GRIN2B: variants seen among roughly 807,000 people sequenced by gnomAD.
The protein encoded by GRIN2B is glutamate ionotropic receptor NMDA type subunit 2B, also known as glutamate receptor ionotropic, NMDA 2B.
Under a neutral mutation model 114.5 loss-of-function variants are expected in GRIN2B, and 5 were observed. That is an observed-to-expected ratio of 0.04 (90% CI 0.02 to 0.09). The LOEUF (loss-of-function observed/expected upper bound fraction) is 0.09, where lower values mean the gene tolerates loss of function less well. Ranked by LOEUF, GRIN2B falls within the 10% of genes least tolerant of loss-of-function variation. GRIN2B has a pLI of 1.00. For missense variants in GRIN2B, 1,108 were observed against 1,943.5 expected (o/e 0.57, Z 8.08); for synonymous variants, 787 against 745.1 (o/e 1.06, Z -0.92).
chr12:13,829,434 G>C (rs1865108754), intron 3 of GRIN2B, among the ~76,000 whole-genome samples: 1 of 152,104 alleles, frequency 6.6e-6, no homozygotes, highest in Non-Finnish European at 1.5e-5. Flanking sequence ...ATAGAGATAG[G>C]CTTGTGACCT....
chr12:13,750,192 T>C (rs1218665580), intron 4 of GRIN2B, among the ~76,000 whole-genome samples: 3 of 152,156 alleles, frequency 2.0e-5, no homozygotes, highest in Non-Finnish European at 2.9e-5. Flanking sequence ...TGATGAATAA[T>C]AATCCTTATT....
chr12:13,638,184 A>G (rs1949682808), intron 5 of GRIN2B, among the ~76,000 whole-genome samples: 2 of 152,136 alleles, frequency 1.3e-5, no homozygotes, highest in East Asian at 1.9e-4. Flanking sequence ...CTCATTTCCA[A>G]TGGTTTAAGT....
chr12:13,779,170 A>C (rs1026419369), intron 3 of GRIN2B, among the ~76,000 whole-genome samples: 1 of 152,090 alleles, frequency 6.6e-6, no homozygotes, highest in Non-Finnish European at 1.5e-5. Flanking sequence ...CAGCCTCCCA[A>C]GTAGCTGGGA....
At chr12:13,842,523 T>C (rs1865395906) in intron 3 of GRIN2B, among the ~76,000 whole-genome samples, 1 of 152,212 alleles carries the variant, frequency 6.6e-6, no homozygotes. Context: ...CACTATTGAT[T>C]AAAACACTAT....
intron 10 of GRIN2B, among the ~76,000 whole-genome samples, chr12:13,599,022 C>T (rs1949114753): frequency 6.6e-6 from 1 of 152,224 alleles, no homozygotes; most frequent in Non-Finnish European, 1.5e-5. Context: ...TTCTTCTCTC[C>T]ACTCTGGCCA....
intron 3 of GRIN2B, among the ~76,000 whole-genome samples, chr12:13,767,330 G>T (rs1464892919): frequency 3.3e-5 from 5 of 151,290 alleles, no homozygotes; most frequent in Non-Finnish European, 7.4e-5. Flanking sequence ...TAGTCCCTGT[G>T]CTCCATTCAT....
chr12:13,607,377 T>A (rs1269806706), intron 10 of GRIN2B, among the ~76,000 whole-genome samples: 20 of 26,194 alleles, frequency 7.6e-4, no homozygotes, highest in African/African-American at 1.8e-3. Flanking sequence ...TTATATATTA[T>A]ATATATAATA....
chr12:13,831,323 A>G (rs1865142228), intron 3 of GRIN2B, among the ~76,000 whole-genome samples: 1 of 152,198 alleles, frequency 6.6e-6, no homozygotes, highest in African/African-American at 2.4e-5. Context: ...AGGCAAGTTA[A>G]TTTTCTGATT....
In GRIN2B at chr12:13,551,275, G is replaced by A. The variant is rs970306046; in HGVS notation, c.*11508C>T. On this transcript the variant is annotated 3_prime_UTR_variant, in exon 14 of 14. Transcript: ENST00000609686. ...CCTCTGCTCATGATGTTTCCAAGAA[G>A]AGATGTGGGCACATGTGCGAATATG... is the stretch of plus-strand genomic sequence containing the variant. 3.3e-5 allele frequency: 5 copies of A among 152,230 alleles called. No homozygotes were observed. The highest frequency in any genetic ancestry group is 4.4e-5 in the Non-Finnish European group (3 of 68,030). The allele number at this position is 152,230 out of a possible 1,614,324, so 9.4% of individuals were successfully genotyped here.
chr12:13,945,178 A>G (rs1185436965), intron 2 of GRIN2B, among the ~76,000 whole-genome samples: 1 of 152,218 alleles, frequency 6.6e-6, no homozygotes, highest in Non-Finnish European at 1.5e-5. Flanking sequence ...AAAACGAAAA[A>G]CACAAAGCAA....
At chr12:13,715,390 T>G (rs1288935594) in intron 4 of GRIN2B, among the ~76,000 whole-genome samples, 6 of 151,848 alleles carry the variant, frequency 4.0e-5, no homozygotes. Flanking sequence ...CTGGCAAGAA[T>G]AAAATGATAA....
chr12:13,916,735 A>ACACACAAATG (rs59238170), intron 2 of GRIN2B, among the ~76,000 whole-genome samples: 9 of 101,902 alleles, frequency 8.8e-5, no homozygotes, highest in East Asian at 8.7e-4. Flanking sequence ...ACACACACAC[A>ACACACAAATG]TTTGTGTGTG....
chr12:13,803,317 TG>T (rs1161575441), intron 3 of GRIN2B, among the ~76,000 whole-genome samples: 1 of 152,072 alleles, frequency 6.6e-6, no homozygotes, highest in Non-Finnish European at 1.5e-5. Context: ...ACCCCCACAT[TG>T]TTCAAGGGTC....
chr12:13,620,312 C>G (rs1949498630), intron 5 of GRIN2B, among the ~76,000 whole-genome samples: 1 of 152,206 alleles, frequency 6.6e-6, no homozygotes, highest in Non-Finnish European at 1.5e-5. Context: ...TACGGGCCTG[C>G]TCACTGTAGC....
At chr12:13,712,297 T>C (rs1160445938) in intron 4 of GRIN2B, among the ~76,000 whole-genome samples, 1 of 151,800 alleles carries the variant, frequency 6.6e-6, no homozygotes, top group Non-Finnish European at 1.5e-5. Flanking sequence ...AGTTAATGAG[T>C]GCGGCACACC....
In GRIN2B at chr12:13,567,083, C is replaced by T. The variant is rs1591608943; in HGVS notation, c.2540G>A (p.Arg847Gln). 2.5e-6 allele frequency: 4 copies of T among 1,614,036 alleles called. No homozygotes were observed. The highest frequency in any genetic ancestry group is 2.7e-5 in the African/African-American group (2 of 74,926). The change falls in exon 13 of 14, where the codon CGA becomes CAA. Residue 847 changes from arginine (R) to glutamine (Q), a missense_variant. Coordinates refer to ENST00000609686, the MANE Select transcript of GRIN2B (RefSeq NM_000834.5). ...ICEHLFYWQF[R>Q]HCFMGVCSGK... is the part of the protein sequence containing the mutation. ...AGAACAGACACCCATAAAGCAATGT[C>T]GGAACTGCCAATAGAAAAGGTGTTC... is the stretch of plus-strand genomic sequence containing the variant.
intron 8 of GRIN2B, among the ~76,000 whole-genome samples, chr12:13,612,993 T>C (rs1949384465): frequency 6.6e-6 from 1 of 152,254 alleles, no homozygotes; most frequent in South Asian, 2.1e-4. Flanking sequence ...AAACCTACTT[T>C]GTTATTGAAC....
At chr12:13,942,537 T>C (rs2136837756) in intron 2 of GRIN2B, among the ~76,000 whole-genome samples, 1 of 152,332 alleles carries the variant, frequency 6.6e-6, no homozygotes, top group Admixed American at 6.5e-5. Flanking sequence ...TTTTAGTTGC[T>C]GTACAAATAA....
rs140573925 is a variant in GRIN2B at position 13,564,412 on chromosome 12, C to A, written c.2826G>T (p.Thr942=). ...YDISEHRRSF[T]HSDCKSYNNP... ...TGTTGTAGGATTTGCAGTCAGAATG[C>A]GTGAAGCTGCGGCGGTGCTCTGAGA... is the stretch of plus-strand genomic sequence containing the variant. The change falls in exon 14 of 14, where the codon ACG becomes ACT. Residue 942 remains threonine, a synonymous_variant. Transcript: ENST00000609686. The surrounding 1 kb of genome is among the most constrained non-coding windows in gnomAD (Gnocchi z 4.8). 6.2e-7 allele frequency: 1 copy of A among 1,614,222 alleles called. No homozygotes were observed. The highest frequency in any genetic ancestry group is 8.5e-7 in the Non-Finnish European group (1 of 1,180,040).
Sources: allele counts gnomAD v4.1 joint callset (sites outside exome capture counted in the v4.1 genomes callset), GRCh38; gene constraint gnomAD v4.1.1; non-coding constraint Gnocchi (gnomAD v3.1); transcripts MANE v1.5; gene names NCBI Gene and HGNC (gene_info 2026-07-23, HGNC 2026-07-21).